ADAMTSL1: variants seen among roughly 807,000 people sequenced by gnomAD.
ADAMTSL1 encodes ADAMTS like 1.
ADAMTSL1 carries 126 observed loss-of-function variants against 201.8 expected under a neutral mutation model. The ratio of observed to expected loss-of-function variants is 0.62; its 90% CI spans 0.54 to 0.72. The LOEUF (loss-of-function observed/expected upper bound fraction) is 0.72. Ranked by LOEUF, ADAMTSL1 falls within the 30% of genes least tolerant of loss-of-function variation. The probability of loss-of-function intolerance (pLI) is 0.00; values close to 1 mark genes in which losing one functional copy is unlikely to be tolerated. For missense variants in ADAMTSL1, 2,679 were observed against 2,277.8 expected (o/e 1.18, Z -3.59); for synonymous variants, 1,121 against 903.4 (o/e 1.24, Z -4.32).
intron 2 of ADAMTSL1, among the ~76,000 whole-genome samples, chr9:18,275,577 C>T (rs2132602293): frequency 6.6e-6 from 1 of 152,190 alleles, no homozygotes; most frequent in Non-Finnish European, 1.5e-5. Flanking sequence ...TACAGATCTG[C>T]CTTTTCTAGA....
intron 7 of ADAMTSL1, among the ~76,000 whole-genome samples, chr9:18,650,385 C>T (rs566650268): frequency 8.5e-5 from 13 of 152,126 alleles, no homozygotes; most frequent in East Asian, 3.9e-4. Flanking sequence ...TCGTGCACAG[C>T]GCGCTGCACC....
At chr9:18,625,106 C>T (rs556295331) in intron 5 of ADAMTSL1, among the ~76,000 whole-genome samples, 24 of 152,252 alleles carry the variant, frequency 1.6e-4, no homozygotes, top group African/African-American at 5.8e-4. Flanking sequence ...CTGCAGGGCC[C>T]AGTGGAGAAG....
At chr9:18,681,521 G>T in intron 11 of ADAMTSL1, 2 of 189,584 alleles carry the variant, frequency 1.1e-5, no homozygotes, top group Admixed American at 5.8e-5. Context: ...TCTTCTTTTT[G>T]GTGCTTGGTT....
chr9:18,232,498 A>C (rs1830681343), intron 2 of ADAMTSL1, among the ~76,000 whole-genome samples: 1 of 152,120 alleles, frequency 6.6e-6, no homozygotes, highest in South Asian at 2.1e-4. Flanking sequence ...CAAGGATGTC[A>C]TGTTTGTCCC....
chr9:18,208,230 A>G (rs892721292), intron 2 of ADAMTSL1, among the ~76,000 whole-genome samples: 2 of 152,142 alleles, frequency 1.3e-5, no homozygotes, highest in Non-Finnish European at 2.9e-5. Context: ...GAAATATAAC[A>G]TGTACTTATT....
intron 19 of ADAMTSL1, among the ~76,000 whole-genome samples, chr9:18,781,914 A>G (rs1203895936): frequency 6.6e-6 from 1 of 152,248 alleles, no homozygotes; most frequent in African/African-American, 2.4e-5. Flanking sequence ...AGTTTTAGAA[A>G]AGAATCACTA....
rs577089583 is a variant in ADAMTSL1 at position 18,419,345 on chromosome 9, A to G, written c.208-85484A>G. Among the ~76,000 whole-genome samples the G allele has an allele frequency of 1.1e-4, 17 of 152,218 alleles. No homozygotes were observed. The East Asian group carries it at 3.3e-3, about 29-fold the overall frequency. ...ATAATTCAGAAAATAAAAGATTGGT[A>G]AATCTTAATCAGAACTATTAATTGG... On this transcript the variant is annotated intron_variant, in intron 2 of 29. Transcript: ENST00000680146.
At chr9:17,974,757 C>A (rs1405763532) in intron 1 of ADAMTSL1, among the ~76,000 whole-genome samples, 1 of 151,932 alleles carries the variant, frequency 6.6e-6, no homozygotes, top group African/African-American at 2.4e-5. Context: ...TTGTGTATAT[C>A]ATATTTTACT....
chr9:18,671,881 C>CA (rs1248658428), intron 9 of ADAMTSL1, among the ~76,000 whole-genome samples: 3 of 151,998 alleles, frequency 2.0e-5, no homozygotes, highest in East Asian at 1.9e-4. Flanking sequence ...ACTAAAAATA[C>CA]AAAAAATTAT....
At chr9:18,178,632 A>T (rs1447777079) in intron 2 of ADAMTSL1, among the ~76,000 whole-genome samples, 1 of 151,358 alleles carries the variant, frequency 6.6e-6, no homozygotes, top group Non-Finnish European at 1.5e-5. Context: ...TCCCTGTCTG[A>T]CAGCTTTGAA....
chr9:18,139,110 T>C (rs902456077), intron 1 of ADAMTSL1, among the ~76,000 whole-genome samples: 6 of 152,192 alleles, frequency 3.9e-5, no homozygotes, highest in Admixed American at 3.9e-4. Context: ...TAACATCTTA[T>C]GGTTTTTTGA....
intron 19 of ADAMTSL1, among the ~76,000 whole-genome samples, chr9:18,782,482 A>G (rs559601834): frequency 2.6e-5 from 4 of 152,208 alleles, no homozygotes; most frequent in African/African-American, 7.2e-5. Flanking sequence ...ATTCTCTGAT[A>G]TGTTACATAA....
At chr9:18,528,186 T>A (rs886680207) in intron 2 of ADAMTSL1, among the ~76,000 whole-genome samples, 3 of 152,130 alleles carry the variant, frequency 2.0e-5, no homozygotes, top group Non-Finnish European at 2.9e-5. Flanking sequence ...CCCATTTTTT[T>A]ATTTTTATTT....
intron 1 of ADAMTSL1, among the ~76,000 whole-genome samples, chr9:18,005,277 C>A (rs1316914729): frequency 6.6e-6 from 1 of 152,028 alleles, no homozygotes; most frequent in African/African-American, 2.4e-5. Context: ...ACTTCAAAGG[C>A]CTGCACAGCT....
At chr9:18,703,554 G>A (rs1832046816) in intron 13 of ADAMTSL1, among the ~76,000 whole-genome samples, 1 of 151,606 alleles carries the variant, frequency 6.6e-6, no homozygotes, top group African/African-American at 2.4e-5. Flanking sequence ...GAAGACCTAA[G>A]GATAGTGGAT....
chr9:18,438,817 A>G (rs1819868179), intron 2 of ADAMTSL1, among the ~76,000 whole-genome samples: 1 of 151,974 alleles, frequency 6.6e-6, no homozygotes, highest in Admixed American at 6.5e-5. Context: ...CACCCTCACA[A>G]TTCTGAAAAT....
chr9:18,760,749 CGTCT>C (rs1253728357), intron 16 of ADAMTSL1, among the ~76,000 whole-genome samples: 1 of 152,196 alleles, frequency 6.6e-6, no homozygotes, highest in Non-Finnish European at 1.5e-5. Flanking sequence ...AATGGTGCAC[CGTCT>C]AAGGACTGCT....
Position 18,706,838 on chromosome 9 carries a change from T to G in ADAMTSL1, c.1666T>G (p.Ser556Ala). 6.2e-7 allele frequency: 1 copy of G among 1,612,576 alleles called. No individual in the cohort carries two copies. The highest frequency in any genetic ancestry group is 8.5e-7 in the Non-Finnish European group (1 of 1,179,214). Reference protein sequence around the residue: ...IVRCQVLLSFSQSVADLPIDE... With the variant: ...IVRCQVLLSFAQSVADLPIDE... ...CAGGTGCCAGGTGCTCCTGTCTTTC[T>G]CTCAGTCCGTGGCTGACCTGCCTAT... Residue 556 changes from serine (S) to alanine (A), a missense_variant, in exon 14 of 29, where the codon TCT (serine) becomes GCT (alanine). Physicochemically the swap from Ser to Ala is moderately conservative, Grantham distance 99. Transcript: ENST00000380548.
chr9:18,829,859 C>T lies in ADAMTSL1; in HGVS notation c.4131C>T (p.Pro1377=), dbSNP rs745411233. Residue 1377 remains proline (P), a synonymous_variant, in exon 23 of 29, where the codon CCC becomes CCT. Transcript: ENST00000380548. The stretch of plus-strand genomic sequence containing the variant: ...TTCTCACAGATCCCCCCCAAGTCCC[C>T]ACACAGTTGGAAGACATCAGGGCCT... ...QLLILDPPQV[P]TQLEDIRALL... The T allele has an allele frequency of 2.5e-6, 4 of 1,614,016 alleles. No individual in the cohort carries two copies. In the East Asian group the frequency reaches 8.9e-5, roughly 36 times the overall value.
Sources: allele counts gnomAD v4.1 joint callset (sites outside exome capture counted in the v4.1 genomes callset), GRCh38; gene constraint gnomAD v4.1.1; transcripts MANE v1.5; gene names NCBI Gene and HGNC (gene_info 2026-07-23, HGNC 2026-07-21).